Variants in LMAN2L observed in about 807,000 individuals in gnomAD.
The protein encoded by LMAN2L is VIP36-like protein.
In LMAN2L, 30 loss-of-function variants were observed where a neutral mutation model predicts 44.3. That is an observed-to-expected ratio of 0.68 (90% CI 0.51 to 0.92). The LOEUF is 0.92. Among genes scored for constraint, LMAN2L ranks in the 40% least tolerant of loss-of-function variants. The probability of loss-of-function intolerance (pLI) is 0.00; values close to 1 mark genes in which losing one functional copy is unlikely to be tolerated. For synonymous variants in LMAN2L, 183 were observed against 171.1 expected (o/e 1.07, Z -0.54); for missense variants, 429 against 446.1 (o/e 0.96, Z 0.35).
chr2:96,738,188 C>T, intron 1 of LMAN2L, 121 bp from the exon 2 acceptor site: 1 of 657,128 alleles, frequency 1.5e-6, no homozygotes, highest in Non-Finnish European at 2.7e-6. Flanking sequence ...CACTCAATCT[C>T]CTATCTTCTC....
At chr2:96,728,914 T>G (rs1186368295) in intron 4 of LMAN2L, among the ~76,000 whole-genome samples, 2 of 150,546 alleles carry the variant, frequency 1.3e-5, no homozygotes, top group Non-Finnish European at 2.9e-5. Context: ...GGCTCACCCC[T>G]GTAATCTCAG....
Position 96,734,502 on chromosome 2 carries a change from A to G in LMAN2L, c.331T>C (p.Leu111=), listed in dbSNP as rs1394587308. Residue 111 remains leucine, a synonymous_variant, in exon 3 of 8, where the codon TTG becomes CTG. Coordinates refer to ENST00000264963, the MANE Select transcript of LMAN2L (RefSeq NM_030805.4). ...RVPCFLRDWE[L]QVHFKIHGQG... ...CCATGGATTTTGAAGTGCACCTGCA[A>G]CTCCCAGTCTCTCAGGAAACATGGC... The G allele has an allele frequency of 6.2e-7, 1 of 1,612,176 alleles. No individual in the cohort carries two copies. Among genetic ancestry groups the G allele is most frequent in the Non-Finnish European group, 8.5e-7 (1 of 1,178,294 alleles).
chr2:96,722,612 G>A (rs188966890), intron 4 of LMAN2L, among the ~76,000 whole-genome samples: 217 of 152,326 alleles, frequency 1.4e-3, no homozygotes, highest in Admixed American at 4.4e-3. Flanking sequence ...TTCACCTGCT[G>A]TGCAGCCTGG....
At chr2:96,734,368 G>C (rs745650651) in intron 3 of LMAN2L, 41 bp downstream of exon 3, 18 of 1,208,174 alleles carry the variant, frequency 1.5e-5, no homozygotes, top group Non-Finnish European at 1.9e-5. Flanking sequence ...TGAAAAATCA[G>C]GCTGTCACAC....
At chr2:96,708,084 G>A (rs1468772655) in intron 6 of LMAN2L, among the ~76,000 whole-genome samples, 2 of 152,218 alleles carry the variant, frequency 1.3e-5, no homozygotes, top group East Asian at 1.9e-4. Context: ...AAAATGGTTC[G>A]ACTTACAATT....
chr2:96,731,835 C>T (rs773757858), intron 4 of LMAN2L, among the ~76,000 whole-genome samples: 5 of 151,418 alleles, frequency 3.3e-5, no homozygotes, highest in South Asian at 2.1e-4. Flanking sequence ...CTGCAACCTC[C>T]GCCTCCTGGG....
chr2:96,736,141 C>T (rs948662309), intron 2 of LMAN2L, among the ~76,000 whole-genome samples: 1 of 152,202 alleles, frequency 6.6e-6, no homozygotes, highest in African/African-American at 2.4e-5. Flanking sequence ...GTGTCTGTCA[C>T]TGATTCCTGG....
chr2:96,715,988 G>A (rs867219924), intron 4 of LMAN2L, among the ~76,000 whole-genome samples: 1 of 152,190 alleles, frequency 6.6e-6, no homozygotes, highest in African/African-American at 2.4e-5. Context: ...ATGTCTTGGT[G>A]TTCAGGAGGG....
chr2:96,724,260 G>A (rs969241753), intron 4 of LMAN2L, among the ~76,000 whole-genome samples: 2 of 152,142 alleles, frequency 1.3e-5, no homozygotes, highest in Non-Finnish European at 2.9e-5. Context: ...CAGGAAGTGT[G>A]AGCATTCCAA....
intron 4 of LMAN2L, among the ~76,000 whole-genome samples, chr2:96,730,514 G>A (rs904568981): frequency 9.2e-5 from 14 of 152,024 alleles, no homozygotes; most frequent in Admixed American, 1.3e-4. Context: ...CAGTCTCAGC[G>A]GCTAGTTAAC....
intron 4 of LMAN2L, among the ~76,000 whole-genome samples, chr2:96,723,620 C>T (rs925091819): frequency 3.3e-5 from 5 of 151,950 alleles, no homozygotes; most frequent in African/African-American, 7.3e-5. Flanking sequence ...AGAATCAATC[C>T]GATATTTTTT....
Position 96,738,179 on chromosome 2 carries a change from A to G in LMAN2L, c.188-112T>C, listed in dbSNP as rs574663611. ...ATCATCTTTTTCCCCCTTTAATGTC[A>G]CTCAATCTCCTATCTTCTCTCAGTC... On this transcript the variant is annotated intron_variant, in intron 1 of 7. Transcript: ENST00000264963. The G allele has an allele frequency of 7.3e-6, 5 of 681,216 alleles. No individual in the cohort carries two copies. The Admixed American group carries it at 7.6e-5, about 10-fold the overall frequency. 42.2% of individuals were successfully genotyped at this position (681,216 alleles called of 1,614,324 possible).
At chr2:96,735,522 ATC>A (rs2078495042) in intron 2 of LMAN2L, among the ~76,000 whole-genome samples, 1 of 152,180 alleles carries the variant, frequency 6.6e-6, no homozygotes, top group Non-Finnish European at 1.5e-5. Flanking sequence ...CTGGATTCTT[ATC>A]TCTCTGCTGT....
chr2:96,717,985 C>T (rs968670360), intron 4 of LMAN2L, among the ~76,000 whole-genome samples: 1 of 152,100 alleles, frequency 6.6e-6, no homozygotes, highest in African/African-American at 2.4e-5. Context: ...GATGAAGTCT[C>T]ACTCTTGTCC....
intron 4 of LMAN2L, among the ~76,000 whole-genome samples, chr2:96,721,714 A>G (rs2078160279): frequency 6.6e-6 from 1 of 152,024 alleles, no homozygotes; most frequent in South Asian, 2.1e-4. Flanking sequence ...TCCTAGACTC[A>G]AGCAATCCTT....
At chr2:96,729,112 C>A (rs1050535938) in intron 4 of LMAN2L, among the ~76,000 whole-genome samples, 6 of 151,980 alleles carry the variant, frequency 3.9e-5, no homozygotes, top group African/African-American at 1.4e-4. Context: ...GCGGAGCTTG[C>A]AGTGAGCTGA....
intron 4 of LMAN2L, among the ~76,000 whole-genome samples, chr2:96,714,492 T>G (rs56361249): frequency 0.28 from 42,037 of 152,158 alleles, 6,481 homozygotes; most frequent in East Asian, 0.33. Context: ...GGCATGAAGT[T>G]AATCTTCAAC....
In LMAN2L at chr2:96,707,067, CAG is replaced by C; in HGVS notation, c.*187_*188del. On this transcript the variant is annotated 3_prime_UTR_variant, in exon 8 of 8. Coordinates refer to ENST00000264963, the MANE Select transcript of LMAN2L (RefSeq NM_030805.4). The stretch of plus-strand genomic sequence containing the variant: ...CCCTGGGGTGGGTGGCTTCCCAGAC[CAG>C]AGTTAGATGTCCCCATGCACAACCA... The C allele has an allele frequency of 5.8e-6, 3 of 514,396 alleles. No individual in the cohort carries two copies. Among genetic ancestry groups the C allele is most frequent in the Non-Finnish European group, 1.0e-5 (3 of 300,818 alleles). 31.9% of individuals were successfully genotyped at this position (514,396 alleles called of 1,614,324 possible).
chr2:96,707,579 G>T, intron 7 of LMAN2L, 135 bp downstream of exon 7: 1 of 1,279,744 alleles, frequency 7.8e-7, no homozygotes, highest in South Asian at 1.4e-5. Flanking sequence ...TAACTTGAAG[G>T]GGAAAGGCAG....
Sources: gnomAD v4.1 joint callset for allele counts (sites outside exome capture counted in the v4.1 genomes callset) on GRCh38, gnomAD v4.1.1 for gene constraint, MANE v1.5 for transcripts, NCBI Gene and HGNC (gene_info 2026-07-23, HGNC 2026-07-21) for gene names.